Variants in RB1 observed in about 807,000 individuals in gnomAD.
RB1 encodes RB transcriptional corepressor 1.
A neutral mutation model predicts 135.4 loss-of-function variants in RB1; 18 were observed. That is an observed-to-expected ratio of 0.13 (90% CI 0.09 to 0.20). The LOEUF is 0.20. RB1 is among the 10% of genes least tolerant of loss of function. The probability of loss-of-function intolerance (pLI) is 1.00; values close to 1 mark genes in which losing one functional copy is unlikely to be tolerated. For synonymous variants in RB1, 365 were observed against 373.2 expected (o/e 0.98, Z 0.25); for missense variants, 868 against 1,110.0 (o/e 0.78, Z 3.10).
intron 2 of RB1, chr13:48,320,344 C>G: frequency 8.0e-7 from 1 of 1,254,966 alleles, no homozygotes; most frequent in Non-Finnish European, 1.2e-6. Flanking sequence ...CACCCGGGCG[C>G]TCACCGACAC....
chr13:48,449,935 T>G (rs984035363), intron 17 of RB1, among the ~76,000 whole-genome samples: 1 of 152,184 alleles, frequency 6.6e-6, no homozygotes, highest in African/African-American at 2.4e-5. Context: ...TTCAGATCTG[T>G]TCATATCCTT....
intron 1 of RB1, among the ~76,000 whole-genome samples, chr13:48,304,847 A>C (rs1952066822): frequency 6.7e-6 from 1 of 150,120 alleles, no homozygotes; most frequent in Non-Finnish European, 1.5e-5. Context: ...TTGCCTTTTG[A>C]CTTTGAACCA....
At chr13:48,362,693 C>T (rs767286468) in intron 7 of RB1, 122 bp from the exon 8 acceptor site, 7 of 1,040,490 alleles carry the variant, frequency 6.7e-6, no homozygotes, top group Admixed American at 4.2e-5. Context: ...CTAATGAAAC[C>T]TAATAAGTAA....
chr13:48,336,606 A>G (rs1952387751), intron 2 of RB1, among the ~76,000 whole-genome samples: 1 of 151,918 alleles, frequency 6.6e-6, no homozygotes, highest in Admixed American at 6.6e-5. Flanking sequence ...CTAGTGGTCT[A>G]TCAATTTTGT....
chr13:48,423,454 C>A (rs1257578649), intron 17 of RB1, among the ~76,000 whole-genome samples: 1 of 152,080 alleles, frequency 6.6e-6, no homozygotes, highest in African/African-American at 2.4e-5. Flanking sequence ...AAACAGGTTG[C>A]ACAAGAAACA....
intron 6 of RB1, among the ~76,000 whole-genome samples, chr13:48,355,484 T>C (rs901743304): frequency 6.6e-6 from 1 of 152,128 alleles, no homozygotes; most frequent in African/African-American, 2.4e-5. Flanking sequence ...TGTAAATTAG[T>C]ACAACTACTA....
intron 2 of RB1, among the ~76,000 whole-genome samples, chr13:48,330,634 A>G (rs1952325563): frequency 6.6e-6 from 1 of 152,162 alleles, no homozygotes; most frequent in African/African-American, 2.4e-5. Flanking sequence ...TGAATGACCA[A>G]TAACAAATAA....
intron 21 of RB1, 81 bp from the exon 22 acceptor site, chr13:48,464,917 A>C (rs1233177795): frequency 7.0e-7 from 1 of 1,430,094 alleles, no homozygotes; most frequent in Non-Finnish European, 9.3e-7. Context: ...AAGAAAATCT[A>C]AAGGTAGAAA....
chr13:48,320,400 A>G (rs1952224280), intron 2 of RB1: 2 of 1,159,382 alleles, frequency 1.7e-6, no homozygotes, highest in African/African-American at 1.5e-5. Context: ...CGGGGAACCT[A>G]AAGCTCCCTG....
intron 2 of RB1, chr13:48,318,872 TG>T: frequency 8.8e-7 from 1 of 1,139,562 alleles, no homozygotes; most frequent in African/African-American, 1.5e-5. Flanking sequence ...TCAAAACGTC[TG>T]GATTTCCTGA....
intron 17 of RB1, among the ~76,000 whole-genome samples, chr13:48,446,859 CATTTG>C (rs1290364916): frequency 4.6e-5 from 7 of 152,124 alleles, no homozygotes; most frequent in African/African-American, 1.7e-4. Flanking sequence ...CAAGATAAGG[CATTTG>C]AATTTATTCT....
At chr13:48,421,571 T>A (rs1949005377) in intron 17 of RB1, among the ~76,000 whole-genome samples, 1 of 152,000 alleles carries the variant, frequency 6.6e-6, no homozygotes. Context: ...ATCATCAGAG[T>A]GAACAGGCAA....
At chr13:48,479,868 G>C in intron 26 of RB1, 130 bp from the exon 27 acceptor site, 1 of 718,846 alleles carries the variant, frequency 1.4e-6, no homozygotes, top group Non-Finnish European at 2.6e-6. Flanking sequence ...TCAAATACTA[G>C]AATGAAGACC....
At chr13:48,364,812 C>T in intron 8 of RB1, 82 bp from the exon 9 acceptor site, 7 of 1,469,128 alleles carry the variant, frequency 4.8e-6, no homozygotes, top group Non-Finnish European at 6.4e-6. Flanking sequence ...ACACCTCTAA[C>T]TTACCCTGCA....
rs1185599426 is a variant in RB1, at chr13:48,480,535, T to C, written c.*464T>C. 2 of 228,444 alleles carry C rather than the reference T, an allele frequency of 8.8e-6. No homozygotes were observed. The highest frequency in any genetic ancestry group is 1.7e-5 in the Non-Finnish European group (2 of 115,060). 14.2% of individuals were successfully genotyped at this position (228,444 alleles called of 1,614,324 possible). On this transcript the variant is annotated 3_prime_UTR_variant, in exon 27 of 27. Transcript: ENST00000267163. Reference sequence around the variant, plus strand: ...GTCCTATCTATCTTCCAAATGCAATTTGATTGACTGCCCATTCACCAAAAT... The same window carrying C: ...GTCCTATCTATCTTCCAAATGCAATCTGATTGACTGCCCATTCACCAAAAT...
intron 17 of RB1, among the ~76,000 whole-genome samples, chr13:48,406,196 G>T (rs1948738237): frequency 1.3e-5 from 2 of 151,570 alleles, no homozygotes; most frequent in African/African-American, 4.9e-5. Flanking sequence ...TGGGTCAAAG[G>T]GTTAATGTGT....
intron 17 of RB1, among the ~76,000 whole-genome samples, chr13:48,383,069 G>A (rs919522926): frequency 2.0e-5 from 3 of 152,074 alleles, no homozygotes; most frequent in Non-Finnish European, 4.4e-5. Context: ...AAAGTATTTA[G>A]ATAATTTATT....
At chr13:48,454,190 C>T (rs1949346144) in intron 18 of RB1, among the ~76,000 whole-genome samples, 1 of 152,182 alleles carries the variant, frequency 6.6e-6, no homozygotes, top group South Asian at 2.1e-4. Context: ...AGAATTCAAA[C>T]CCAAGCTATC....
At chr13:48,442,652 C>A (rs879588217) in intron 17 of RB1, among the ~76,000 whole-genome samples, 6 of 152,098 alleles carry the variant, frequency 3.9e-5, no homozygotes, top group Non-Finnish European at 8.8e-5. Context: ...TCTGTTAACA[C>A]CTCATTCAGA....
Sources: gnomAD v4.1 joint callset for allele counts (sites outside exome capture counted in the v4.1 genomes callset) on GRCh38, gnomAD v4.1.1 for gene constraint, MANE v1.5 for transcripts, NCBI Gene and HGNC (gene_info 2026-07-23, HGNC 2026-07-21) for gene names.